Variants in PSD3 observed in about 807,000 individuals in gnomAD.
PSD3 encodes the protein PH and SEC7 domain-containing protein 3.
Under a neutral mutation model 105.5 loss-of-function variants are expected in PSD3, and 49 were observed. The observed-to-expected ratio is 0.46, with a 90% confidence interval of 0.37 to 0.59. The LOEUF (loss-of-function observed/expected upper bound fraction) is 0.59. Among genes scored for constraint, PSD3 ranks in the 20% least tolerant of loss-of-function variants. The probability of loss-of-function intolerance (pLI) is 0.00; values close to 1 mark genes in which losing one functional copy is unlikely to be tolerated. For missense variants in PSD3, 1,561 were observed against 1,263.8 expected (o/e 1.24, Z -3.57); for synonymous variants, 557 against 457.8 (o/e 1.22, Z -2.77).
chr8:18,625,141 T>C (rs1030192470), intron 11 of PSD3, among the ~76,000 whole-genome samples: 2 of 151,930 alleles, frequency 1.3e-5, no homozygotes, highest in African/African-American at 4.8e-5. Context: ...ATTTTTATCT[T>C]TAATCTACGT....
chr8:18,581,254 A>C (rs1247034024), intron 12 of PSD3, among the ~76,000 whole-genome samples: 1 of 152,224 alleles, frequency 6.6e-6, no homozygotes, highest in Admixed American at 6.5e-5. Flanking sequence ...TAATTTTTAA[A>C]GCACATATGA....
intron 9 of PSD3, among the ~76,000 whole-genome samples, chr8:18,736,435 G>T (rs1403923469): frequency 6.6e-6 from 1 of 152,122 alleles, no homozygotes; most frequent in Admixed American, 6.5e-5. Context: ...ATCATCAACT[G>T]TGTTTATTAG....
chr8:18,989,565 C>G (rs1248138286), intron 1 of PSD3, among the ~76,000 whole-genome samples: 6 of 152,038 alleles, frequency 3.9e-5, no homozygotes, highest in Non-Finnish European at 8.8e-5. Flanking sequence ...AGAGAATGTC[C>G]CAGCTCTATT....
intron 14 of PSD3, among the ~76,000 whole-genome samples, chr8:18,562,141 C>T (rs760844477): frequency 5.9e-5 from 9 of 152,084 alleles, no homozygotes; most frequent in Non-Finnish European, 1.3e-4. Flanking sequence ...CACCGAGCGC[C>T]CATACAGCAG....
chr8:19,018,219 G>T (rs889801676), upstream of PSD3, among the ~76,000 whole-genome samples: 4 of 151,990 alleles, frequency 2.6e-5, no homozygotes, highest in Non-Finnish European at 5.9e-5. Context: ...TCCCACCCTC[G>T]CATTTATTAC....
chr8:18,706,375 T>C (rs1801899346), intron 9 of PSD3, among the ~76,000 whole-genome samples: 1 of 152,200 alleles, frequency 6.6e-6, no homozygotes, highest in African/African-American at 2.4e-5. Context: ...TGTTCTATTA[T>C]AACTATGTAT....
chr8:18,709,039 T>C (rs1802075885), intron 9 of PSD3, among the ~76,000 whole-genome samples: 2 of 152,140 alleles, frequency 1.3e-5, no homozygotes, highest in South Asian at 2.1e-4. Flanking sequence ...CACAGAGCTG[T>C]GCAGACTCTC....
chr8:18,821,860 CATG>C lies in PSD3; in HGVS notation c.1635-16965_1635-16963del, dbSNP rs1489926120. ...GAATACCCACACACACATGCACACA[CATG>C]CACACACACCACACACACACACACA... On this transcript the variant is annotated intron_variant, in intron 4 of 15. Transcript: ENST00000327040. Among the ~76,000 whole-genome samples the C allele has an allele frequency of 1.5e-3, 133 of 87,700 alleles. 2 individuals carry two copies. Among genetic ancestry groups the C allele is most frequent in the East Asian group, 0.012 (32 of 2,778 alleles). The allele number at this position is 87,700 out of a possible 152,430, so 57.5% of individuals were successfully genotyped here. A position where few individuals can be genotyped will look rare whatever the true frequency, so the allele number is the denominator to read the frequency against.
chr8:19,018,453 C>G (rs1299550228), upstream of PSD3, among the ~76,000 whole-genome samples: 1 of 151,824 alleles, frequency 6.6e-6, no homozygotes, highest in African/African-American at 2.4e-5. Context: ...TAGAATTTTA[C>G]ACTTAAAAGC....
At chr8:18,874,834 C>G (rs1165786254) in intron 2 of PSD3, among the ~76,000 whole-genome samples, 9 of 152,018 alleles carry the variant, frequency 5.9e-5, no homozygotes, top group African/African-American at 1.7e-4. Flanking sequence ...CACACGGTAT[C>G]CCCCAGTGTG....
At chr8:18,651,728 C>A (rs1438919962) in intron 10 of PSD3, among the ~76,000 whole-genome samples, 1 of 152,048 alleles carries the variant, frequency 6.6e-6, no homozygotes, top group African/African-American at 2.4e-5. Flanking sequence ...TTAGCAAGAT[C>A]AGAAAAAACT....
At chr8:18,812,594 T>C (rs897073227) in intron 4 of PSD3, among the ~76,000 whole-genome samples, 1 of 152,026 alleles carries the variant, frequency 6.6e-6, no homozygotes, top group Non-Finnish European at 1.5e-5. Context: ...GAGAGAATAG[T>C]AGTTAAGTTT....
chr8:18,813,068 C>T (rs1055373432), intron 4 of PSD3, among the ~76,000 whole-genome samples: 6 of 151,994 alleles, frequency 3.9e-5, no homozygotes, highest in Non-Finnish European at 8.8e-5. Context: ...AACTAAATTG[C>T]GTGTCTGTGT....
intron 1 of PSD3, among the ~76,000 whole-genome samples, chr8:19,019,809 G>A (rs968600974): frequency 2.0e-5 from 3 of 152,142 alleles, no homozygotes; most frequent in African/African-American, 4.8e-5. Context: ...TGAATGCTGA[G>A]TGTATGCTGG....
chr8:18,882,230 C>A (rs1302392924), intron 2 of PSD3, among the ~76,000 whole-genome samples: 3 of 151,962 alleles, frequency 2.0e-5, no homozygotes, highest in Admixed American at 6.6e-5. Flanking sequence ...AACAAACAAA[C>A]AAAAAACCTT....
At chr8:18,961,120 T>G (rs1487471351) in intron 1 of PSD3, among the ~76,000 whole-genome samples, 1 of 151,678 alleles carries the variant, frequency 6.6e-6, no homozygotes, top group East Asian at 1.9e-4. Flanking sequence ...AAAAGACTAC[T>G]GGTGAAAGAA....
chr8:18,711,862 T>C lies in PSD3; in HGVS notation c.2172+53587A>G, dbSNP rs181530240. On this transcript the variant is annotated intron_variant, in intron 9 of 15. Transcript: ENST00000327040. ...TCACCACATGGTACTTACTCTAAAA[T>C]TGATCACATAATTGGAAGTAAAACA... Among the ~76,000 whole-genome samples the C allele has an allele frequency of 2.4e-3, 363 of 152,252 alleles. 2 individuals are homozygous for C. Among genetic ancestry groups the C allele is most frequent in the African/African-American group, 8.4e-3 (348 of 41,548 alleles).
At chr8:18,548,035 A>T (rs1800551155) in intron 15 of PSD3, among the ~76,000 whole-genome samples, 1 of 152,024 alleles carries the variant, frequency 6.6e-6, no homozygotes, top group African/African-American at 2.4e-5. Context: ...AGGTATTTTT[A>T]ACTGACATGT....
intron 9 of PSD3, among the ~76,000 whole-genome samples, chr8:18,731,093 TA>T (rs1206223468): frequency 2.9e-5 from 1 of 35,084 alleles, no homozygotes; most frequent in Non-Finnish European, 8.4e-5. Flanking sequence ...CTGTCTCTAA[TA>T]AAAATACAAA....
Sources: allele counts gnomAD v4.1 joint callset (sites outside exome capture counted in the v4.1 genomes callset), GRCh38; gene constraint gnomAD v4.1.1; transcripts MANE v1.5; gene names NCBI Gene and HGNC (gene_info 2026-07-23, HGNC 2026-07-21).